The following GNA12 variants were observed in gnomAD, a reference collection of about 807,000 sequenced individuals.
GNA12 encodes guanine nucleotide-binding protein subunit alpha-12.
Under a neutral mutation model 26.0 loss-of-function variants are expected in GNA12, and 9 were observed. The ratio of observed to expected loss-of-function variants is 0.35; its 90% confidence interval spans 0.21 to 0.60. GNA12 has a LOEUF of 0.60. Ranked by LOEUF, GNA12 falls within the 20% of genes least tolerant of loss-of-function variation. The pLI is 0.78. For missense variants in GNA12, 405 were observed against 525.8 expected (o/e 0.77, Z 2.25); for synonymous variants, 264 against 219.6 (o/e 1.20, Z -1.79).
Position 2,832,532 on chromosome 7 carries a change from C to A in GNA12, c.309+11321G>T, listed in dbSNP as rs144095632. ...GGTGACGAGAGAATTAGCACAGATT[C>A]TTCGGGTCTCAGTGTTCCTCGGGCT... On this transcript the variant is annotated intron_variant, in intron 1 of 3. Transcript: ENST00000275364. Among the ~76,000 whole-genome samples, 15 of 152,306 alleles carry A rather than the reference C, an allele frequency of 9.8e-5. 1 individual carries two copies. Among genetic ancestry groups the A allele is most frequent in the South Asian group, 4.1e-4 (2 of 4,826 alleles).
intron 2 of GNA12, among the ~76,000 whole-genome samples, chr7:2,740,401 T>A (rs1055409803): frequency 2.0e-5 from 3 of 152,140 alleles, no homozygotes; most frequent in Non-Finnish European, 4.4e-5. Context: ...CCGTCCTATG[T>A]GAGGCACCAG....
At chr7:2,755,719 T>C (rs1791261623) in intron 2 of GNA12, among the ~76,000 whole-genome samples, 1 of 152,230 alleles carries the variant, frequency 6.6e-6, no homozygotes, top group Admixed American at 6.5e-5. Flanking sequence ...ATGTCTACCC[T>C]GCATTTCCTT....
intron 1 of GNA12, among the ~76,000 whole-genome samples, chr7:2,809,075 C>T (rs958699086): frequency 5.3e-5 from 8 of 152,200 alleles, no homozygotes; most frequent in African/African-American, 1.9e-4. Flanking sequence ...CAGGCCCATC[C>T]TTCCCACGCT....
At chr7:2,831,472 C>G (rs1282999281) in intron 1 of GNA12, among the ~76,000 whole-genome samples, 1 of 146,998 alleles carries the variant, frequency 6.8e-6, no homozygotes, top group African/African-American at 2.5e-5. Context: ...GGCGCGATCT[C>G]TGCTCACTGC....
At chr7:2,834,301 G>T (rs1260398156) in intron 1 of GNA12, among the ~76,000 whole-genome samples, 7 of 152,164 alleles carry the variant, frequency 4.6e-5, no homozygotes, top group Non-Finnish European at 7.3e-5. Flanking sequence ...ACCTTCAAAG[G>T]CCAGCTCAAA....
intron 2 of GNA12, among the ~76,000 whole-genome samples, chr7:2,776,367 G>A (rs992633775): frequency 2.0e-5 from 3 of 152,216 alleles, no homozygotes; most frequent in Non-Finnish European, 2.9e-5. Context: ...GACACCGACC[G>A]TCATTTCCTC....
rs753455707 is a variant in GNA12 at position 2,733,435 on chromosome 7, G to T, written c.576+16C>A. ...ACCCTGGAGCCCAGCTTCTTCGGGCGGGCGTGCTTACTCACCAGCTGGCCG... is the reference window on the plus strand; with the variant it reads ...ACCCTGGAGCCCAGCTTCTTCGGGCTGGCGTGCTTACTCACCAGCTGGCCG... On this transcript the variant is annotated intron_variant, in intron 3 of 3. Transcript: ENST00000275364. 6.2e-7 allele frequency: 1 copy of T among 1,611,538 alleles called. No individual in the cohort carries two copies. The highest frequency in any genetic ancestry group is 8.5e-7 in the Non-Finnish European group (1 of 1,178,130).
intron 1 of GNA12, among the ~76,000 whole-genome samples, chr7:2,822,469 C>T (rs1467133354): frequency 6.6e-6 from 1 of 152,052 alleles, no homozygotes; most frequent in Non-Finnish European, 1.5e-5. Context: ...AAGGGCCAAG[C>T]GTGGTGGCTC....
intron 1 of GNA12, among the ~76,000 whole-genome samples, 193 bp downstream of exon 1, chr7:2,843,660 C>A (rs1486779106): frequency 1.5e-5 from 2 of 132,282 alleles, no homozygotes; most frequent in Non-Finnish European, 3.2e-5. Context: ...AAGGGCGAGA[C>A]GGGGTGGGGC....
intron 1 of GNA12, among the ~76,000 whole-genome samples, chr7:2,813,141 G>C (rs1162035225): frequency 2.0e-5 from 3 of 152,070 alleles, no homozygotes; most frequent in Non-Finnish European, 4.4e-5. Context: ...GGCTGGTCTT[G>C]AACTCCTGGC....
At chr7:2,758,101 G>C (rs1275869941) in intron 2 of GNA12, among the ~76,000 whole-genome samples, 1 of 152,156 alleles carries the variant, frequency 6.6e-6, no homozygotes, top group African/African-American at 2.4e-5. Context: ...TGTTGCTTCA[G>C]GCTCTTTATG....
chr7:2,811,394 A>G (rs75837632), intron 1 of GNA12, among the ~76,000 whole-genome samples: 1 of 152,226 alleles, frequency 6.6e-6, no homozygotes, highest in Non-Finnish European at 1.5e-5. Context: ...CCAGAACTCT[A>G]GTTTCCCAGC....
At chr7:2,798,370 TG>T (rs1262604388) in intron 1 of GNA12, among the ~76,000 whole-genome samples, 5 of 152,344 alleles carry the variant, frequency 3.3e-5, no homozygotes, top group African/African-American at 1.2e-4. Context: ...GAAATTCAAT[TG>T]TCTTTCTATA....
intron 1 of GNA12, among the ~76,000 whole-genome samples, chr7:2,804,767 C>T (rs1036817655): frequency 2.6e-5 from 4 of 151,964 alleles, no homozygotes; most frequent in Admixed American, 6.6e-5. Context: ...CCACTAAAGA[C>T]GTTGAAGAGA....
intron 2 of GNA12, among the ~76,000 whole-genome samples, chr7:2,790,554 C>T (rs934207465): frequency 7.9e-5 from 12 of 152,314 alleles, no homozygotes; most frequent in African/African-American, 2.9e-4. Flanking sequence ...AATACCCTTC[C>T]GTGGCACAGA....
intron 1 of GNA12, among the ~76,000 whole-genome samples, chr7:2,818,777 C>T (rs1260984879): frequency 1.5e-5 from 2 of 131,350 alleles, no homozygotes; most frequent in African/African-American, 5.5e-5. Context: ...AAAAAAAAAG[C>T]AAAGGACAAA....
At chr7:2,842,605 A>T (rs1276468382) in intron 1 of GNA12, among the ~76,000 whole-genome samples, 1 of 152,194 alleles carries the variant, frequency 6.6e-6, no homozygotes, top group Non-Finnish European at 1.5e-5. Context: ...GCCGACTTCT[A>T]CAGCTTCTTT....
chr7:2,770,916 G>C (rs1426363234), intron 2 of GNA12, among the ~76,000 whole-genome samples: 1 of 152,174 alleles, frequency 6.6e-6, no homozygotes, highest in East Asian at 1.9e-4. Context: ...CGTGGACCTG[G>C]GGGTACTGCA....
chr7:2,742,639 A>G (rs957614399), intron 2 of GNA12, among the ~76,000 whole-genome samples: 2 of 152,134 alleles, frequency 1.3e-5, no homozygotes, highest in Non-Finnish European at 2.9e-5. Context: ...TCAGCTGTCA[A>G]TGTCTACCCT....
Sources: allele counts gnomAD v4.1 joint callset (sites outside exome capture counted in the v4.1 genomes callset), GRCh38; gene constraint gnomAD v4.1.1; transcripts MANE v1.5; gene names NCBI Gene and HGNC (gene_info 2026-07-23, HGNC 2026-07-21).